EYS: variants seen among roughly 807,000 people sequenced by gnomAD.
EYS encodes the protein protein eyes shut homolog.
In EYS, 250 loss-of-function variants were observed where a neutral mutation model predicts 282.1. The observed-to-expected ratio is 0.89, with a 90% CI of 0.80 to 0.98. EYS has a LOEUF of 0.98. Ranked by LOEUF, EYS falls within the 50% of genes least tolerant of loss-of-function variation. The probability of loss-of-function intolerance (pLI) is 0.00; values close to 1 mark genes in which losing one functional copy is unlikely to be tolerated. For missense variants in EYS, 4,016 were observed against 3,709.0 expected (o/e 1.08, Z -2.15); for synonymous variants, 1,355 against 1,282.9 (o/e 1.06, Z -1.20).
chr6:63,856,179 G>T (rs539656731), intron 36 of EYS, among the ~76,000 whole-genome samples: 1 of 152,076 alleles, frequency 6.6e-6, no homozygotes, highest in African/African-American at 2.4e-5. Flanking sequence ...ATGACTCTTT[G>T]CTAAAGGGCC....
intron 29 of EYS, among the ~76,000 whole-genome samples, chr6:64,384,263 T>C (rs995264963): frequency 2.6e-5 from 4 of 152,136 alleles, no homozygotes; most frequent in African/African-American, 9.7e-5. Context: ...ATGGATTCAC[T>C]AGAAATTAAA....
chr6:65,294,257 C>A (rs1194890644), intron 12 of EYS, among the ~76,000 whole-genome samples: 1 of 151,862 alleles, frequency 6.6e-6, no homozygotes, highest in Non-Finnish European at 1.5e-5. Flanking sequence ...AAAGTTTAGG[C>A]AGATCAGTTC....
intron 22 of EYS, among the ~76,000 whole-genome samples, chr6:64,653,171 C>T (rs1038540671): frequency 1.3e-5 from 2 of 152,022 alleles, no homozygotes; most frequent in Non-Finnish European, 2.9e-5. Context: ...CACAGGGAGA[C>T]CACCATCTAT....
intron 8 of EYS, among the ~76,000 whole-genome samples, chr6:65,373,895 A>G (rs1765255873): frequency 6.6e-6 from 1 of 152,186 alleles, no homozygotes; most frequent in Non-Finnish European, 1.5e-5. Flanking sequence ...CTGAACTGCC[A>G]TTCAGTGGAC....
chr6:63,742,222 C>T (rs560920398), intron 41 of EYS, among the ~76,000 whole-genome samples: 1 of 152,198 alleles, frequency 6.6e-6, no homozygotes, highest in South Asian at 2.1e-4. Flanking sequence ...ACTTACCTTT[C>T]TGGTCAAGGT....
chr6:65,646,876 G>T (rs1009051501), intron 1 of EYS, among the ~76,000 whole-genome samples: 1 of 151,960 alleles, frequency 6.6e-6, no homozygotes, highest in African/African-American at 2.4e-5. Context: ...CACCAGCAGC[G>T]ACCAAGCTAA....
chr6:65,585,441 CAT>C (rs1765012512), intron 2 of EYS, among the ~76,000 whole-genome samples: 1 of 151,652 alleles, frequency 6.6e-6, no homozygotes, highest in Non-Finnish European at 1.5e-5. Context: ...GGTATAAACA[CAT>C]ATTGATAATT....
chr6:65,222,287 C>G (rs1377991171), intron 12 of EYS, among the ~76,000 whole-genome samples: 2 of 152,078 alleles, frequency 1.3e-5, no homozygotes, highest in Non-Finnish European at 2.9e-5. Flanking sequence ...ATGTAATAAT[C>G]CCCATGTGTC....
intron 29 of EYS, among the ~76,000 whole-genome samples, chr6:64,309,216 A>T (rs1297018493): frequency 6.6e-6 from 1 of 152,152 alleles, no homozygotes; most frequent in Non-Finnish European, 1.5e-5. Context: ...GGATAAAAAA[A>T]GGGGAAACTG....
intron 31 of EYS, among the ~76,000 whole-genome samples, chr6:64,088,782 G>A (rs764647568): frequency 2.0e-4 from 31 of 151,844 alleles, no homozygotes; most frequent in Non-Finnish European, 3.8e-4. Context: ...TGAACACAAC[G>A]CAACTTAGCA....
rs948680128 is a variant in EYS at position 65,429,013 on chromosome 6, T to C, written c.863-23646A>G. Among the ~76,000 whole-genome samples the C allele has an allele frequency of 2.6e-5, 4 of 152,054 alleles. No individual in the cohort carries two copies. The South Asian group carries it at 8.3e-4, about 32-fold the overall frequency. ...GCCTGACAAACATGGAGAAACACTCTCTACTAAAAATACAAAATTAGCCGG... is the reference window on the plus strand; with the variant it reads ...GCCTGACAAACATGGAGAAACACTCCCTACTAAAAATACAAAATTAGCCGG... On this transcript the variant is annotated intron_variant, in intron 5 of 42. Coordinates refer to ENST00000503581, the MANE Select transcript of EYS (RefSeq NM_001142800.2).
chr6:65,306,504 A>G (rs1438989446), intron 11 of EYS, among the ~76,000 whole-genome samples: 1 of 152,180 alleles, frequency 6.6e-6, no homozygotes, highest in African/African-American at 2.4e-5. Context: ...ATCAGCTTAC[A>G]GATTCCAGGT....
chr6:64,907,262 C>A (rs963755549), intron 16 of EYS, among the ~76,000 whole-genome samples: 17 of 152,052 alleles, frequency 1.1e-4, no homozygotes, highest in African/African-American at 4.1e-4. Context: ...GTTGACCAAG[C>A]TGGTCTGGAG....
At chr6:64,711,185 T>G (rs1289311825) in intron 22 of EYS, among the ~76,000 whole-genome samples, 1 of 152,196 alleles carries the variant, frequency 6.6e-6, no homozygotes, top group Non-Finnish European at 1.5e-5. Context: ...AATATTTGAT[T>G]TACAAGAAAA....
chr6:65,443,703 T>C lies in EYS; in HGVS notation c.863-38336A>G, dbSNP rs548263921. 6.3e-3 allele frequency among the ~76,000 whole-genome samples: 937 copies of C among 148,666 alleles called. 15 individuals carry two copies. The highest frequency in any genetic ancestry group is 0.019 in the African/African-American group (778 of 40,610). ...ACACACATACACATATATACACATA[T>C]GTGCATATACACATATATACACATA... On this transcript the variant is annotated intron_variant, in intron 5 of 42. Coordinates refer to ENST00000503581, the MANE Select transcript of EYS (RefSeq NM_001142800.2).
At chr6:65,609,181 A>G (rs1011080660) in intron 2 of EYS, among the ~76,000 whole-genome samples, 2 of 151,964 alleles carry the variant, frequency 1.3e-5, no homozygotes, top group Admixed American at 1.3e-4. Flanking sequence ...GCATGTGACT[A>G]ATGCATTGCA....
chr6:65,495,721 C>G, intron 3 of EYS, 114 bp from the exon 4 acceptor site: 1 of 390,182 alleles, frequency 2.6e-6, no homozygotes, highest in Non-Finnish European at 4.6e-6. Flanking sequence ...AAGATAGTGT[C>G]ACCAGCAGCT....
intron 22 of EYS, among the ~76,000 whole-genome samples, chr6:64,694,257 A>G (rs1247049477): frequency 6.6e-6 from 1 of 152,238 alleles, no homozygotes; most frequent in East Asian, 1.9e-4. Flanking sequence ...ACTTTTATCC[A>G]TGAAGGAACA....
At chr6:65,366,124 T>C (rs1210646646) in intron 8 of EYS, among the ~76,000 whole-genome samples, 2 of 151,690 alleles carry the variant, frequency 1.3e-5, no homozygotes, top group African/African-American at 4.8e-5. Flanking sequence ...TGTCCTAGTA[T>C]GAATGATAAA....
Sources: gnomAD v4.1 joint callset for allele counts (sites outside exome capture counted in the v4.1 genomes callset) on GRCh38, gnomAD v4.1.1 for gene constraint, MANE v1.5 for transcripts, NCBI Gene and HGNC (gene_info 2026-07-23, HGNC 2026-07-21) for gene names.